TMEM117: variants seen among roughly 807,000 people sequenced by gnomAD.
TMEM117 encodes transmembrane protein 117.
Under a neutral mutation model 52.4 loss-of-function variants are expected in TMEM117, and 27 were observed. The ratio of observed to expected loss-of-function variants is 0.51; its 90% CI spans 0.38 to 0.71. The LOEUF (loss-of-function observed/expected upper bound fraction) is 0.71, where lower values mean the gene tolerates loss of function less well. Ranked by LOEUF, TMEM117 falls within the 30% of genes least tolerant of loss-of-function variation. TMEM117 has a pLI of 0.00. For synonymous variants in TMEM117, 215 were observed against 206.3 expected (o/e 1.04, Z -0.36); for missense variants, 556 against 630.5 (o/e 0.88, Z 1.26).
intron 2 of TMEM117, among the ~76,000 whole-genome samples, chr12:43,923,151 C>T (rs1449006044): frequency 2.6e-5 from 4 of 152,070 alleles, no homozygotes; most frequent in African/African-American, 4.8e-5. Context: ...GTTGCTTCTC[C>T]CCTGGAAGTG....
At chr12:44,326,181 G>GTTTTT (rs1555152712) in intron 6 of TMEM117, among the ~76,000 whole-genome samples, 1 of 151,090 alleles carries the variant, frequency 6.6e-6, no homozygotes, top group Non-Finnish European at 1.5e-5. Flanking sequence ...TTTTGTTTTT[G>GTTTTT]TTTTTGTTTT....
At chr12:43,953,328 A>C (rs565104665) in intron 3 of TMEM117, among the ~76,000 whole-genome samples, 15 of 152,306 alleles carry the variant, frequency 9.8e-5, no homozygotes, top group African/African-American at 3.6e-4. Flanking sequence ...AAATAGGCTA[A>C]ATGCCCCATT....
intron 2 of TMEM117, among the ~76,000 whole-genome samples, chr12:43,868,949 G>C (rs1943658124): frequency 1.3e-5 from 2 of 151,994 alleles, no homozygotes; most frequent in Non-Finnish European, 2.9e-5. Context: ...GAAATTTCTA[G>C]AAATATTGGT....
intron 4 of TMEM117, among the ~76,000 whole-genome samples, chr12:44,152,435 ATATT>A (rs1328292942): frequency 1.7e-4 from 20 of 115,382 alleles, no homozygotes; most frequent in African/African-American, 7.1e-4. Flanking sequence ...TTTATATATT[ATATT>A]TATATAATAT....
At chr12:44,037,881 C>T (rs893166379) in intron 3 of TMEM117, among the ~76,000 whole-genome samples, 2 of 151,998 alleles carry the variant, frequency 1.3e-5, no homozygotes, top group African/African-American at 4.8e-5. Flanking sequence ...ACTCCAGGGT[C>T]TCCTCTGCTG....
chr12:44,010,475 C>T (rs1385912388), intron 3 of TMEM117, among the ~76,000 whole-genome samples: 1 of 152,180 alleles, frequency 6.6e-6, no homozygotes, highest in Non-Finnish European at 1.5e-5. Context: ...TTTTCCCATT[C>T]TATCCCTCCA....
intron 2 of TMEM117, among the ~76,000 whole-genome samples, chr12:43,862,834 AC>A (rs1420090610): frequency 1.3e-5 from 2 of 152,142 alleles, no homozygotes; most frequent in Non-Finnish European, 2.9e-5. Context: ...AGTGGTGAAA[AC>A]ATTTGGTACA....
intron 3 of TMEM117, among the ~76,000 whole-genome samples, chr12:44,083,436 G>T (rs1361987448): frequency 1.8e-5 from 2 of 111,774 alleles, no homozygotes; most frequent in East Asian, 2.6e-4. Flanking sequence ...TCACTCTGTT[G>T]CCCAGGCTGG....
At chr12:44,241,815 C>T (rs1332957293) in intron 5 of TMEM117, among the ~76,000 whole-genome samples, 1 of 151,980 alleles carries the variant, frequency 6.6e-6, no homozygotes, top group Non-Finnish European at 1.5e-5. Context: ...CTCTGGACTT[C>T]CTAGTCTTCT....
intron 3 of TMEM117, among the ~76,000 whole-genome samples, chr12:43,995,560 G>A (rs1362842563): frequency 2.0e-5 from 3 of 152,130 alleles, no homozygotes; most frequent in Non-Finnish European, 2.9e-5. Flanking sequence ...TAGTTTTTGG[G>A]GAACAGGTGG....
At chr12:44,178,632 G>T (rs1478679388) in intron 4 of TMEM117, among the ~76,000 whole-genome samples, 1 of 152,102 alleles carries the variant, frequency 6.6e-6, no homozygotes, top group Non-Finnish European at 1.5e-5. Context: ...TTAAGAGTTT[G>T]GGTTGAAAAG....
chr12:44,192,349 A>G (rs1319332427), intron 4 of TMEM117, among the ~76,000 whole-genome samples: 11 of 152,164 alleles, frequency 7.2e-5, no homozygotes, highest in Non-Finnish European at 1.5e-5. Flanking sequence ...GTGTTTTCAT[A>G]AGGAGATTAC....
chr12:44,386,654 G>GCCTGGTA (rs1375433102), intron 7 of TMEM117, among the ~76,000 whole-genome samples: 3 of 152,120 alleles, frequency 2.0e-5, no homozygotes, highest in Admixed American at 2.0e-4. Flanking sequence ...ACTGTCCTTA[G>GCCTGGTA]CATCTAGTAA....
chr12:43,900,669 GATC>G (rs1944288914), intron 2 of TMEM117, among the ~76,000 whole-genome samples: 1 of 150,706 alleles, frequency 6.6e-6, no homozygotes, highest in Non-Finnish European at 1.5e-5. Flanking sequence ...AGTGAGCTGA[GATC>G]GCGCCACTGT....
At chr12:44,143,425 C>A in intron 3 of TMEM117, 100 bp from the exon 4 acceptor site, 1 of 782,662 alleles carries the variant, frequency 1.3e-6, no homozygotes, top group Non-Finnish European at 2.0e-6. Flanking sequence ...AGACAGCTTG[C>A]TGAGAATGGG....
At chr12:44,354,186 A>G (rs1951608956) in intron 6 of TMEM117, among the ~76,000 whole-genome samples, 1 of 152,056 alleles carries the variant, frequency 6.6e-6, no homozygotes, top group African/African-American at 2.4e-5. Flanking sequence ...GCTGAAGGAG[A>G]TTTTGGGCTG....
chr12:44,035,994 C>G (rs886323666), intron 3 of TMEM117, among the ~76,000 whole-genome samples: 10 of 152,090 alleles, frequency 6.6e-5, no homozygotes, highest in Non-Finnish European at 1.5e-4. Flanking sequence ...TTCTTTCCCA[C>G]TAAGTGTTTT....
intron 4 of TMEM117, among the ~76,000 whole-genome samples, chr12:44,163,115 G>T (rs953498670): frequency 3.3e-5 from 5 of 152,202 alleles, no homozygotes; most frequent in African/African-American, 9.7e-5. Context: ...TTGCTGCAAA[G>T]CTTGCACATT....
intron 4 of TMEM117, among the ~76,000 whole-genome samples, chr12:44,204,423 A>G (rs900066015): frequency 6.6e-6 from 1 of 152,204 alleles, no homozygotes; most frequent in African/African-American, 2.4e-5. Context: ...CAGAGATGAC[A>G]CAAATGAATA....
Sources: gnomAD v4.1 joint callset for allele counts (sites outside exome capture counted in the v4.1 genomes callset) on GRCh38, gnomAD v4.1.1 for gene constraint, MANE v1.5 for transcripts, NCBI Gene and HGNC (gene_info 2026-07-23, HGNC 2026-07-21) for gene names.